The following EML6 variants were observed in gnomAD, a reference collection of about 807,000 sequenced individuals.
EML6 encodes the protein EMAP like 6.
A neutral mutation model predicts 240.1 loss-of-function variants in EML6; 154 were observed. The observed-to-expected ratio is 0.64, with a 90% CI of 0.56 to 0.73. The LOEUF is 0.73. Among genes scored for constraint, EML6 ranks in the 30% least tolerant of loss-of-function variants. The probability of loss-of-function intolerance (pLI) is 0.00; values close to 1 mark genes in which losing one functional copy is unlikely to be tolerated. For missense variants in EML6, 2,964 were observed against 2,474.6 expected (o/e 1.20, Z -4.20); for synonymous variants, 1,148 against 899.0 (o/e 1.28, Z -4.95).
intron 2 of EML6, among the ~76,000 whole-genome samples, chr2:54,789,497 G>A (rs1189697840): frequency 9.1e-6 from 1 of 110,364 alleles, no homozygotes; most frequent in African/African-American, 3.2e-5. Context: ...CTGGGCCACA[G>A]AGCGAGACTT....
At chr2:54,838,095 T>C (rs2103625813) in intron 7 of EML6, among the ~76,000 whole-genome samples, 1 of 152,338 alleles carries the variant, frequency 6.6e-6, no homozygotes, top group East Asian at 1.9e-4. Context: ...ATCAAAATTA[T>C]AATAGCAAAT....
At chr2:54,935,611 G>A (rs1192043153) in intron 28 of EML6, among the ~76,000 whole-genome samples, 1 of 152,196 alleles carries the variant, frequency 6.6e-6, no homozygotes, top group African/African-American at 2.4e-5. Context: ...ATCTGAGCGT[G>A]CCACAACAAT....
In EML6 at chr2:54,959,195, G is replaced by A; in HGVS notation, c.4787G>A (p.Gly1596Asp). 1 of 1,551,650 alleles carries A rather than the reference G, an allele frequency of 6.4e-7. No homozygotes were observed. Among genetic ancestry groups the A allele is most frequent in the Non-Finnish European group, 8.7e-7 (1 of 1,146,970 alleles). ...LIRLVAKAHTGPVFTMYTTLR... is the reference protein window; with the variant it reads ...LIRLVAKAHTDPVFTMYTTLR... ...CGGCTGGTGGCCAAGGCTCACACAG[G>A]CCCCGTGTTCACAATGTACACAACC... is the stretch of plus-strand genomic sequence containing the variant. The change falls in exon 34 of 42, where the codon GGC becomes GAC. Residue 1596 changes from glycine to aspartate, a missense_variant. Transcript: ENST00000356458.
chr2:54,956,354 C>T, intron 32 of EML6, among the ~76,000 whole-genome samples: 2 of 151,996 alleles, frequency 1.3e-5, no homozygotes, highest in Non-Finnish European at 2.9e-5. Flanking sequence ...GTATTGGCTG[C>T]TTTTGTAATC....
chr2:54,854,404 T>A (rs1171311317), intron 11 of EML6, among the ~76,000 whole-genome samples: 1 of 152,340 alleles, frequency 6.6e-6, no homozygotes, highest in South Asian at 2.1e-4. Flanking sequence ...TTGTTTTGTT[T>A]TGTTAAAATT....
In EML6 at chr2:54,957,340, C is replaced by T. The variant is rs1442056632; in HGVS notation, c.4487-450C>T. ...GAAAACGGGGAACTTAAAGAAAATG[C>T]AGGAGAATCTTAGGAAAAAAAAAAA... On this transcript the variant is annotated intron_variant, in intron 32 of 41. Coordinates refer to ENST00000356458, the MANE Select transcript of EML6 (RefSeq NM_001039753.4). Among the ~76,000 whole-genome samples, 18 of 112,776 alleles carry T rather than the reference C, an allele frequency of 1.6e-4. 1 individual carries two copies. The Admixed American group carries it at 2.0e-3, about 12-fold the overall frequency. 74.0% of individuals were successfully genotyped at this position (112,776 alleles called of 152,430 possible). A position where few individuals can be genotyped will look rare whatever the true frequency, so the allele number is the denominator to read the frequency against.
intron 28 of EML6, among the ~76,000 whole-genome samples, chr2:54,942,414 G>A (rs1675477409): frequency 2.0e-5 from 3 of 152,196 alleles, no homozygotes; most frequent in African/African-American, 7.2e-5. Context: ...TTAGGCAAGT[G>A]TCTGAACATC....
At chr2:54,764,743 C>A (rs117487785) in intron 2 of EML6, among the ~76,000 whole-genome samples, 1 of 152,180 alleles carries the variant, frequency 6.6e-6, no homozygotes, top group South Asian at 2.1e-4. Context: ...CAGAATCAAA[C>A]GCAGTTTGGG....
intron 17 of EML6, among the ~76,000 whole-genome samples, chr2:54,886,157 C>CTTTTTT (rs1558650389): frequency 8.7e-6 from 1 of 115,236 alleles, no homozygotes. Context: ...TTTTTTTAAC[C>CTTTTTT]TTCTTTTTTT....
At chr2:54,865,789 G>A (rs723975) in intron 13 of EML6, among the ~76,000 whole-genome samples, 11,410 of 152,178 alleles carry the variant, frequency 0.075, 767 homozygotes, top group East Asian at 0.28. Context: ...TGCTTTCACC[G>A]ATATTTGATT....
intron 4 of EML6, 98 bp downstream of exon 4, chr2:54,816,983 C>A: frequency 4.1e-6 from 3 of 737,474 alleles, no homozygotes; most frequent in Non-Finnish European, 4.7e-6. Context: ...GTAAATATTT[C>A]AGTATACATT....
intron 26 of EML6, 81 bp from the exon 27 acceptor site, chr2:54,928,232 C>T: frequency 9.4e-7 from 1 of 1,065,722 alleles, no homozygotes; most frequent in African/African-American, 1.6e-5. Flanking sequence ...CCTTTGTATC[C>T]AGTAGAAACT....
intron 16 of EML6, among the ~76,000 whole-genome samples, chr2:54,877,724 G>A (rs754849736): frequency 2.0e-5 from 3 of 152,212 alleles, no homozygotes; most frequent in Non-Finnish European, 2.9e-5. Flanking sequence ...TAATCACCTG[G>A]TGATGATTTA....
chr2:54,737,383 C>G (rs766578246), intron 2 of EML6, among the ~76,000 whole-genome samples: 38 of 152,150 alleles, frequency 2.5e-4, no homozygotes, highest in Non-Finnish European at 4.6e-4. Context: ...ACTGCAACCT[C>G]TGCCTCCCGG....
At position 54,928,524 on chromosome 2, in the gene EML6, C is replaced by T; in HGVS notation, c.3877+10C>T. The T allele has an allele frequency of 6.5e-7, 1 of 1,544,254 alleles. No individual in the cohort carries two copies. The highest frequency in any genetic ancestry group is 1.2e-5 in the South Asian group (1 of 83,376). Reference sequence around the variant, plus strand: ...GTGGAAGAGGATGGAGGTGAGCCCCCCACCTGCCACATGCCTCCTGCGCCG... The same window carrying T: ...GTGGAAGAGGATGGAGGTGAGCCCCTCACCTGCCACATGCCTCCTGCGCCG... On this transcript the variant is annotated intron_variant, in intron 27 of 41. Transcript: ENST00000356458.
At chr2:54,751,095 TC>T (rs1684146235) in intron 2 of EML6, among the ~76,000 whole-genome samples, 1 of 152,182 alleles carries the variant, frequency 6.6e-6, no homozygotes, top group Non-Finnish European at 1.5e-5. Context: ...AAACAATAGA[TC>T]CCTGCTTGTT....
At chr2:54,795,715 A>C (rs985380001) in intron 2 of EML6, among the ~76,000 whole-genome samples, 3 of 152,166 alleles carry the variant, frequency 2.0e-5, no homozygotes, top group African/African-American at 7.2e-5. Flanking sequence ...ACTGACTATA[A>C]GCAAACTTTA....
At chr2:54,868,087 A>G (rs767877118) in intron 14 of EML6, 1 of 152,222 alleles carries the variant, frequency 6.6e-6, no homozygotes, top group Non-Finnish European at 1.5e-5. Flanking sequence ...GAGGAATGTA[A>G]GATATCTCAT....
intron 2 of EML6, among the ~76,000 whole-genome samples, chr2:54,810,363 A>C (rs934688563): frequency 6.6e-6 from 1 of 152,212 alleles, no homozygotes; most frequent in East Asian, 1.9e-4. Flanking sequence ...TAAGGCTCGT[A>C]AGTTATTTGA....
Sources: gnomAD v4.1 joint callset for allele counts (sites outside exome capture counted in the v4.1 genomes callset) on GRCh38, gnomAD v4.1.1 for gene constraint, MANE v1.5 for transcripts, NCBI Gene and HGNC (gene_info 2026-07-23, HGNC 2026-07-21) for gene names.